ZBTB20: variants seen among roughly 807,000 people sequenced by gnomAD.
The protein encoded by ZBTB20 is zinc finger and BTB domain containing 20.
In ZBTB20, 9 loss-of-function variants were observed where a neutral mutation model predicts 56.9. The observed-to-expected ratio is 0.16, with a 90% confidence interval of 0.10 to 0.28. The LOEUF (loss-of-function observed/expected upper bound fraction) is 0.28, where lower values mean the gene tolerates loss of function less well. Among genes scored for constraint, ZBTB20 ranks in the 10% least tolerant of loss-of-function variants. ZBTB20 has a pLI of 1.00. For missense variants in ZBTB20, 655 were observed against 1,003.0 expected (o/e 0.65, Z 4.69); for synonymous variants, 417 against 420.7 (o/e 0.99, Z 0.11).
intron 7 of ZBTB20, among the ~76,000 whole-genome samples, chr3:114,453,011 T>C (rs2091732440): frequency 6.6e-6 from 1 of 152,132 alleles, no homozygotes; most frequent in Non-Finnish European, 1.5e-5. Context: ...ATCCAGGATA[T>C]TAGCATAAAG....
chr3:114,896,489 G>A (rs575490061), intron 4 of ZBTB20, among the ~76,000 whole-genome samples: 5 of 152,154 alleles, frequency 3.3e-5, no homozygotes, highest in African/African-American at 1.2e-4. Flanking sequence ...AGTGAAATAA[G>A]CCAAACACGA....
At chr3:115,103,790 A>G (rs768931348) in intron 1 of ZBTB20, among the ~76,000 whole-genome samples, 4 of 152,362 alleles carry the variant, frequency 2.6e-5, no homozygotes, top group Middle Eastern at 3.4e-3. Flanking sequence ...GGGTTTCACA[A>G]TGACTATTTT....
chr3:115,143,854 T>C (rs1275776726), intron 1 of ZBTB20, among the ~76,000 whole-genome samples: 1 of 152,210 alleles, frequency 6.6e-6, no homozygotes, highest in Admixed American at 6.5e-5. Flanking sequence ...TGCCAACTGG[T>C]AAACACCTTC....
chr3:114,918,663 G>A (rs982401267), intron 3 of ZBTB20, among the ~76,000 whole-genome samples: 2 of 152,104 alleles, frequency 1.3e-5, no homozygotes, highest in Non-Finnish European at 2.9e-5. Context: ...ATGTTATCTG[G>A]AAGCTAGTGC....
intron 7 of ZBTB20, among the ~76,000 whole-genome samples, chr3:114,458,454 T>G (rs947951276): frequency 6.6e-6 from 1 of 152,192 alleles, no homozygotes; most frequent in African/African-American, 2.4e-5. Context: ...TGAAGCTTTT[T>G]GTTTGGCAAT....
intron 11 of ZBTB20, 45 bp downstream of exon 11, chr3:114,350,229 C>T (rs1217029719): frequency 1.3e-6 from 2 of 1,549,350 alleles, no homozygotes; most frequent in East Asian, 4.5e-5. Flanking sequence ...TTCCCACAGC[C>T]CCCTCAGCCC....
rs543674698 is a variant in ZBTB20, at chr3:114,956,896, G to A, written c.-456+17470C>T. Among the ~76,000 whole-genome samples, 8 of 152,220 alleles carry A rather than the reference G, an allele frequency of 5.3e-5. 1 individual carries two copies. In the South Asian group the frequency reaches 1.5e-3, roughly 28 times the overall value. On this transcript the variant is annotated intron_variant, in intron 3 of 11. Transcript: ENST00000675478. ...TGTTCATACTGACATAATGCCACAT[G>A]GTTCCTAATACGCAACAATGTACAC...
At chr3:114,393,727 C>T (rs2086090650) in intron 7 of ZBTB20, among the ~76,000 whole-genome samples, 1 of 152,160 alleles carries the variant, frequency 6.6e-6, no homozygotes, top group South Asian at 2.1e-4. Context: ...TGAGGGGCTG[C>T]TGATGCCACA....
At chr3:114,868,194 C>T (rs1415935706) in intron 4 of ZBTB20, among the ~76,000 whole-genome samples, 1 of 152,170 alleles carries the variant, frequency 6.6e-6, no homozygotes, top group Middle Eastern at 3.2e-3. Flanking sequence ...GGTATCTATG[C>T]TGATTTTTCT....
At chr3:114,468,899 T>C (rs1401610534) in intron 7 of ZBTB20, among the ~76,000 whole-genome samples, 3 of 149,506 alleles carry the variant, frequency 2.0e-5, no homozygotes, top group African/African-American at 7.4e-5. Context: ...TTTGTCAAAC[T>C]GGAGAGAACA....
chr3:115,054,169 T>C (rs1175235207), intron 2 of ZBTB20, among the ~76,000 whole-genome samples: 4 of 151,454 alleles, frequency 2.6e-5, no homozygotes, highest in East Asian at 3.9e-4. Context: ...AAACAAACTA[T>C]AGAGAAATAG....
intron 2 of ZBTB20, among the ~76,000 whole-genome samples, chr3:115,044,883 A>G (rs2081279596): frequency 6.6e-6 from 1 of 152,240 alleles, no homozygotes; most frequent in South Asian, 2.1e-4. Context: ...ACTGGCTCAC[A>G]GTATGTACTC....
intron 6 of ZBTB20, among the ~76,000 whole-genome samples, chr3:114,583,366 T>A (rs959281210): frequency 1.1e-4 from 17 of 152,178 alleles, no homozygotes; most frequent in Admixed American, 1.1e-3. Flanking sequence ...TGCAAAAAGA[T>A]CAATGGACTT....
At chr3:114,933,273 G>A (rs1030642748) in intron 3 of ZBTB20, among the ~76,000 whole-genome samples, 7 of 152,178 alleles carry the variant, frequency 4.6e-5, no homozygotes, top group South Asian at 2.1e-4. Context: ...AAATGAAACA[G>A]GGACAAAGCC....
intron 7 of ZBTB20, among the ~76,000 whole-genome samples, chr3:114,431,382 G>A (rs1035338289): frequency 6.6e-6 from 1 of 152,126 alleles, no homozygotes; most frequent in Non-Finnish European, 1.5e-5. Flanking sequence ...GAGCTTTCTA[G>A]CCCCTTCTAC....
chr3:114,434,558 T>TGTGTGTGTGTGTGTGTGTG (rs1576744101), intron 7 of ZBTB20, among the ~76,000 whole-genome samples: 2 of 145,944 alleles, frequency 1.4e-5, no homozygotes, highest in Admixed American at 1.4e-4. Flanking sequence ...GTGTGTGTGT[T>TGTGTGTGTGTGTGTGTGTG]TGTGTGTGTG....
chr3:114,962,826 C>A (rs2077504562), intron 3 of ZBTB20, among the ~76,000 whole-genome samples: 1 of 152,034 alleles, frequency 6.6e-6, no homozygotes, highest in Non-Finnish European at 1.5e-5. Flanking sequence ...GTATTTCTCC[C>A]AAGTCCCTTC....
chr3:115,057,203 G>C (rs1431227015), intron 2 of ZBTB20, among the ~76,000 whole-genome samples: 1 of 152,048 alleles, frequency 6.6e-6, no homozygotes, highest in African/African-American at 2.4e-5. Context: ...ATTGATATAA[G>C]AAAGTTTAAA....
chr3:114,764,888 G>A (rs1467738643), intron 5 of ZBTB20, among the ~76,000 whole-genome samples: 4 of 152,154 alleles, frequency 2.6e-5, no homozygotes, highest in Non-Finnish European at 5.9e-5. Flanking sequence ...GGTACACGCT[G>A]TTGCCCAAAT....
Sources: allele counts gnomAD v4.1 joint callset (sites outside exome capture counted in the v4.1 genomes callset), GRCh38; gene constraint gnomAD v4.1.1; transcripts MANE v1.5; gene names NCBI Gene and HGNC (gene_info 2026-07-23, HGNC 2026-07-21).